Variants in SGO1 observed in about 807,000 individuals in gnomAD.
SGO1 encodes the protein serologically defined breast cancer antigen NY-BR-85.
In SGO1, 39 loss-of-function variants were observed where a neutral mutation model predicts 50.5. The observed-to-expected ratio is 0.77, with a 90% CI of 0.60 to 1.01. The LOEUF (loss-of-function observed/expected upper bound fraction) is 1.01. Among genes scored for constraint, SGO1 ranks in the 50% least tolerant of loss-of-function variants. SGO1 has a pLI of 0.00. For missense variants in SGO1, 638 were observed against 606.0 expected (o/e 1.05, Z -0.55); for synonymous variants, 191 against 205.1 (o/e 0.93, Z 0.59).
intron 1 of SGO1, among the ~76,000 whole-genome samples, chr3:20,185,356 A>G (rs538015321): frequency 1.3e-5 from 2 of 152,366 alleles, no homozygotes; most frequent in African/African-American, 4.8e-5. Context: ...AAAAATCACA[A>G]AAGAAACTTG....
exon 9 of SGO1, chr3:20,161,068 C>A (rs1459217216): frequency 6.2e-7 from 1 of 1,612,630 alleles, no homozygotes; most frequent in South Asian, 1.1e-5. Flanking sequence ...AATGCATGGA[C>A]TAAAAAAGTT....
intron 8 of SGO1, among the ~76,000 whole-genome samples, chr3:20,163,456 CCAA>C (rs1179056637): frequency 6.6e-6 from 1 of 152,048 alleles, no homozygotes; most frequent in East Asian, 1.9e-4. Context: ...GAATCTTTGA[CCAA>C]CAACTGTTCA....
chr3:20,175,308 T>C (rs1453117443), intron 5 of SGO1, among the ~76,000 whole-genome samples: 1 of 152,140 alleles, frequency 6.6e-6, no homozygotes, highest in African/African-American at 2.4e-5. Context: ...AATCTGAAAA[T>C]CTGAAATCCA....
At chr3:20,175,680 T>A (rs965659645) in intron 5 of SGO1, among the ~76,000 whole-genome samples, 3 of 151,514 alleles carry the variant, frequency 2.0e-5, no homozygotes. Context: ...GTGCCTGTAG[T>A]CCCAACTACT....
At position 20,178,969 on chromosome 3, in the gene SGO1, G is replaced by T. The variant is rs557453809; in HGVS notation, c.340-622C>A. On this transcript the variant is annotated intron_variant, in intron 3 of 7. Transcript: ENST00000412997. ...TCAGTCTGAATTGAAAGAGGCCGGG[G>T]GTAGAAAGAGCTGAGAGGTCATCAT... Among the ~76,000 whole-genome samples the T allele has an allele frequency of 2.0e-5, 3 of 152,272 alleles. No homozygotes were observed. The East Asian group carries it at 5.8e-4, about 29-fold the overall frequency.
intron 3 of SGO1, among the ~76,000 whole-genome samples, chr3:20,182,960 G>T (rs1182674914): frequency 2.0e-5 from 3 of 152,062 alleles, no homozygotes; most frequent in Non-Finnish European, 4.4e-5. Context: ...CGAGCTTGCA[G>T]TGAGCCGAGA....
downstream of SGO1, among the ~76,000 whole-genome samples, chr3:20,166,335 T>C (rs1017158469): frequency 6.6e-6 from 1 of 152,158 alleles, no homozygotes; most frequent in African/African-American, 2.4e-5. Context: ...TTCAAAGATA[T>C]ACAAACTTAA....
Position 20,183,964 on chromosome 3 carries a change from T to G in SGO1, c.64A>C (p.Met22Leu). 2 of 1,612,816 alleles carry G rather than the reference T, an allele frequency of 1.2e-6. No individual in the cohort carries two copies. Among genetic ancestry groups the G allele is most frequent in the Non-Finnish European group, 1.7e-6 (2 of 1,179,664 alleles). ...AAGTTTTTATTCCTTTTCTCTTTCA[T>G]TCGCTTCTTTATGTCTTCAAGACTA... ...QDSLEDIKKR[M>L]KEKRNKNLAE... Residue 22 changes from methionine to leucine, a missense_variant, in exon 2 of 8, where the codon ATG becomes CTG. By Grantham distance (15) the Met-to-Leu change is conservative (BLOSUM62 2). Coordinates refer to ENST00000412997, the MANE Select transcript of SGO1 (RefSeq NM_001199251.3).
At chr3:20,181,887 C>A (rs978532885) in intron 3 of SGO1, among the ~76,000 whole-genome samples, 3 of 152,036 alleles carry the variant, frequency 2.0e-5, no homozygotes, top group African/African-American at 4.8e-5. Flanking sequence ...GAGTTCGAGA[C>A]ACCTGAACAA....
At chr3:20,185,559 T>A (rs143356669) in intron 1 of SGO1, among the ~76,000 whole-genome samples, 2 of 152,264 alleles carry the variant, frequency 1.3e-5, no homozygotes, top group African/African-American at 4.8e-5. Context: ...CTCCAATTAG[T>A]CCTGCTGCGA....
At chr3:20,170,871 C>T in intron 7 of SGO1, 56 bp from the exon 8 acceptor site, 2 of 1,550,644 alleles carry the variant, frequency 1.3e-6, no homozygotes, top group Non-Finnish European at 1.7e-6. Flanking sequence ...TATTAACTTA[C>T]TCTTCCCTAC....
intron 8 of SGO1, chr3:20,161,352 G>A (rs1700029660): frequency 2.2e-6 from 3 of 1,358,038 alleles, no homozygotes; most frequent in African/African-American, 1.5e-5. Context: ...GAAAATATGT[G>A]AGCAAACAAT....
chr3:20,167,025 G>A (rs543587663), downstream of SGO1, among the ~76,000 whole-genome samples: 10 of 151,584 alleles, frequency 6.6e-5, no homozygotes, highest in Non-Finnish European at 1.5e-5. Flanking sequence ...AATTTAAAAA[G>A]ATCAAATGAT....
At chr3:20,176,746 C>T in intron 4 of SGO1, 87 bp from the exon 5 acceptor site, 1 of 859,434 alleles carries the variant, frequency 1.2e-6, no homozygotes, top group East Asian at 2.8e-5. Context: ...ATTTTTCTTT[C>T]CTTTAGTATC....
rs367609696 is a variant in SGO1, at chr3:20,174,967, A to G, written c.564T>C (p.Thr188=). 3 of 1,613,236 alleles carry G rather than the reference A, an allele frequency of 1.9e-6. No homozygotes were observed. The African/African-American group carries it at 4.0e-5, about 22-fold the overall frequency. The change falls in exon 6 of 8, where the codon ACT becomes ACC. Residue 188 remains threonine (T), a synonymous_variant. Coordinates refer to ENST00000412997, the MANE Select transcript of SGO1 (RefSeq NM_001199251.3). ...TCTTTAAACTGCTACGAACAGATAC[A>G]GTTCTAGGTAAGACATTATCAGTAG... The part of the protein sequence containing the change: ...AKSTDNVLPR[T]VSVRSSLKKH...
chr3:20,160,725 T>G (rs914647809), exon 9 of SGO1: 5 of 155,078 alleles, frequency 3.2e-5, no homozygotes, highest in African/African-American at 9.6e-5. Context: ...GATTGGAGAA[T>G]TTCGCTTACA....
At chr3:20,168,996 C>T, downstream of SGO1, 5 of 984,094 alleles carry the variant, frequency 5.1e-6, no homozygotes, top group Non-Finnish European at 6.0e-6. Flanking sequence ...CTAGTGTTTC[C>T]ATGAAATTAA....
At chr3:20,176,814 A>C (rs77405492) in intron 4 of SGO1, among the ~76,000 whole-genome samples, 155 bp from the exon 5 acceptor site, 19,190 of 152,252 alleles carry the variant, frequency 0.13, 1,499 homozygotes, top group Admixed American at 0.17. Context: ...AAACCAAAGG[A>C]CACTTATGCT....
chr3:20,175,831 T>C (rs1327086585), intron 5 of SGO1, among the ~76,000 whole-genome samples: 1 of 151,886 alleles, frequency 6.6e-6, no homozygotes, highest in African/African-American at 2.4e-5. Flanking sequence ...TTTTATGTGC[T>C]CTTGGTTTAA....
Sources: gnomAD v4.1 joint callset for allele counts (sites outside exome capture counted in the v4.1 genomes callset) on GRCh38, gnomAD v4.1.1 for gene constraint, MANE v1.5 for transcripts, NCBI Gene and HGNC (gene_info 2026-07-23, HGNC 2026-07-21) for gene names.